Variants in BCL11A observed in about 807,000 individuals in gnomAD.
BCL11A encodes the protein B cell CLL/lymphoma 11A.
A neutral mutation model predicts 55.9 loss-of-function variants in BCL11A; 2 were observed. That is an observed-to-expected ratio of 0.04 (90% CI 0.01 to 0.11). The LOEUF is 0.11. Among genes scored for constraint, BCL11A ranks in the 10% least tolerant of loss-of-function variants. BCL11A has a pLI of 1.00. For missense variants in BCL11A, 817 were observed against 1,137.1 expected, an observed-to-expected ratio of 0.72 and a Z score of 4.05; for synonymous variants, 465 against 473.4, an observed-to-expected ratio of 0.98 and a Z score of 0.23.
In BCL11A at chr2:60,461,835, G is replaced by A. The variant is rs770055773; in HGVS notation, c.1077C>T (p.Pro359=). ...GAGGGGCGGATTGCAGAGGAGGGAG[G>A]GGGGGCGTCGCCAGGAAGGGCGGCT... ...GSKPPFLATP[P]LPPLQSAPPP... Residue 359 remains proline, a synonymous_variant, in exon 4 of 4, where the codon CCC becomes CCT. Transcript: ENST00000642384. 34 of 1,612,780 alleles carry A rather than the reference G, an allele frequency of 2.1e-5. No individual in the cohort carries two copies. The highest frequency in any genetic ancestry group is 2.8e-5 in the Non-Finnish European group (33 of 1,179,050).
intron 2 of BCL11A, among the ~76,000 whole-genome samples, chr2:60,520,538 A>G (rs1668932562): frequency 1.3e-5 from 2 of 152,210 alleles, no homozygotes; most frequent in African/African-American, 4.8e-5. Context: ...CATTCCGTTT[A>G]TAAGAAGGAG....
chr2:60,501,241 C>T (rs539732018), intron 2 of BCL11A, among the ~76,000 whole-genome samples: 48 of 152,316 alleles, frequency 3.2e-4, no homozygotes, highest in Admixed American at 8.5e-4. Context: ...TTGGTCCAAA[C>T]CTGTAGTGCT....
chr2:60,512,137 G>T (rs1478129844), intron 2 of BCL11A, among the ~76,000 whole-genome samples: 1 of 152,196 alleles, frequency 6.6e-6, no homozygotes, highest in Non-Finnish European at 1.5e-5. Context: ...TGGAGCTGGG[G>T]AGCTGCAGAT....
At position 60,545,995 on chromosome 2, in the gene BCL11A, A is replaced by T; in HGVS notation, c.361T>A (p.Cys121Ser). 1.2e-6 allele frequency: 2 copies of T among 1,613,938 alleles called. No homozygotes were observed. Among genetic ancestry groups the T allele is most frequent in the Non-Finnish European group, 1.7e-6 (2 of 1,179,840 alleles). The change falls in exon 2 of 4, where the codon TGC (cysteine) becomes AGC (serine). Residue 121 changes from cysteine (C) to serine (S), a missense_variant. Cys to Ser is a moderately radical substitution (Grantham distance 112, BLOSUM62 -1). This residue lies in a region of BCL11A where 363 missense variants were observed against 486.6 expected (regional missense o/e 0.75). Transcript: ENST00000642384. Reference protein sequence around the residue: ...DCLSTSSRGICPKQEHIADKL... With the variant: ...DCLSTSSRGISPKQEHIADKL... ...CCTGCTATGTGTTCCTGTTTGGGGCAAATTCCTCTAGATGACGTTGATAAA... is the reference window on the plus strand; with the variant it reads ...CCTGCTATGTGTTCCTGTTTGGGGCTAATTCCTCTAGATGACGTTGATAAA...
chr2:60,514,642 T>C (rs1668647823), intron 2 of BCL11A, among the ~76,000 whole-genome samples: 1 of 149,386 alleles, frequency 6.7e-6, no homozygotes, highest in African/African-American at 2.5e-5. Flanking sequence ...CACTCCAGCC[T>C]GGGCGACAGA....
At chr2:60,454,115 T>C (rs1675837348), downstream of BCL11A, among the ~76,000 whole-genome samples, 2 of 152,076 alleles carry the variant, frequency 1.3e-5, no homozygotes, top group African/African-American at 4.8e-5. Context: ...CTGTATGTAG[T>C]AAATTAAACA....
rs569674644 is a variant in BCL11A, at chr2:60,472,272, G to A, written c.386-3439C>T. Among the ~76,000 whole-genome samples the A allele has an allele frequency of 1.2e-3, 176 of 152,324 alleles. 1 individual carries two copies. The highest frequency in any genetic ancestry group is 3.8e-3 in the African/African-American group (156 of 41,570). On this transcript the variant is annotated intron_variant, in intron 2 of 3. Coordinates refer to ENST00000642384, the MANE Select transcript of BCL11A (RefSeq NM_022893.4). ...TGTCCTCACTGCTTCCATTAAAGCCGACATGTCAGCGAACGCAGCTGTGGC... is the reference window on the plus strand; with the variant it reads ...TGTCCTCACTGCTTCCATTAAAGCCAACATGTCAGCGAACGCAGCTGTGGC...
intron 2 of BCL11A, among the ~76,000 whole-genome samples, chr2:60,508,401 CCT>C (rs775235177): frequency 1.3e-5 from 2 of 152,166 alleles, no homozygotes; most frequent in Non-Finnish European, 2.9e-5. Flanking sequence ...CAGCCGGGTC[CCT>C]GAGTCTGACT....
chr2:60,521,803 C>T (rs561873950), intron 2 of BCL11A, among the ~76,000 whole-genome samples: 2 of 152,314 alleles, frequency 1.3e-5, no homozygotes, highest in African/African-American at 2.4e-5. Flanking sequence ...CTGCTTCTTC[C>T]TGACCCTCAC....
In BCL11A at chr2:60,553,345, A is replaced by G; in HGVS notation, c.-75T>C. The G allele has an allele frequency of 1.4e-6, 2 of 1,467,416 alleles. No homozygotes were observed. The highest frequency in any genetic ancestry group is 1.8e-6 in the Non-Finnish European group (2 of 1,091,536). 90.9% of individuals were successfully genotyped at this position (1,467,416 alleles called of 1,614,324 possible). On this transcript the variant is annotated 5_prime_UTR_variant, in exon 1 of 4. Transcript: ENST00000642384. ...ACGACGGCTCGGTTCACATCGGGAGAGCCGGGTTAGAAAGAAGGAGACTCC... is the reference window on the plus strand; with the variant it reads ...ACGACGGCTCGGTTCACATCGGGAGGGCCGGGTTAGAAAGAAGGAGACTCC...
intron 2 of BCL11A, among the ~76,000 whole-genome samples, chr2:60,481,312 T>C (rs1677942657): frequency 6.6e-6 from 1 of 151,976 alleles, no homozygotes; most frequent in African/African-American, 2.4e-5. Context: ...AAGTAACTCC[T>C]TGAAAACAAA....
chr2:60,546,316 C>T lies in BCL11A; in HGVS notation c.56-16G>A, dbSNP rs192796126. The T allele has an allele frequency of 1.1e-4, 174 of 1,607,370 alleles. 1 individual carries two copies. The African/African-American group carries it at 2.1e-3, about 20-fold the overall frequency. ...AGAGGCTCGGCTGTGGTTGGAGAAA[C>T]AAAAGCACAATTATTAGAGTGCCAG... On this transcript the variant is annotated splice_polypyrimidine_tract_variant and intron_variant, in intron 1 of 3. Coordinates refer to ENST00000642384, the MANE Select transcript of BCL11A (RefSeq NM_022893.4). This position sits in a 1 kb window ranked among gnomAD's most constrained non-coding sequence, Gnocchi z 4.1.
chr2:60,545,988 T>G lies in BCL11A; in HGVS notation c.368A>C (p.Lys123Thr). 6.2e-7 allele frequency: 1 copy of G among 1,613,796 alleles called. No individual in the cohort carries two copies. Among genetic ancestry groups the G allele is most frequent in the Non-Finnish European group, 8.5e-7 (1 of 1,179,698 alleles). The change falls in exon 2 of 4, where the codon AAA becomes ACA. Residue 123 changes from lysine (K) to threonine (T), a missense_variant. Lys to Thr is a moderately conservative substitution (Grantham distance 78, BLOSUM62 -1). Transcript: ENST00000642384. ...LSTSSRGICP[K>T]QEHIADKLLH... The stretch of plus-strand genomic sequence containing the variant: ...TCATTTACCTGCTATGTGTTCCTGT[T>G]TGGGGCAAATTCCTCTAGATGACGT...
chr2:60,542,805 G>C (rs886111131), intron 2 of BCL11A: 1 of 152,146 alleles, frequency 6.6e-6, no homozygotes, highest in East Asian at 1.9e-4. Flanking sequence ...AAGCCAGGTG[G>C]ATCACCTGAG....
At chr2:60,491,812 A>G (rs1165602527) in intron 2 of BCL11A, among the ~76,000 whole-genome samples, 1 of 152,216 alleles carries the variant, frequency 6.6e-6, no homozygotes, top group Non-Finnish European at 1.5e-5. Context: ...AGGACCCAAC[A>G]CTACGCAGGC....
In BCL11A at chr2:60,460,488, A is replaced by T. The variant is rs1435704225; in HGVS notation, c.2424T>A (p.Pro808=). The T allele has an allele frequency of 1.2e-6, 2 of 1,614,106 alleles. No individual in the cohort carries two copies. Among genetic ancestry groups the T allele is most frequent in the Non-Finnish European group, 1.7e-6 (2 of 1,180,028 alleles). ...TCTCCAGGGTACTGTACACGCTAAA[A>T]GGCATCTTACAAATTTCACATTTGT... The part of the protein sequence containing the change: ...DVYKCEICKM[P]FSVYSTLEKH... The change falls in exon 4 of 4, where the codon CCT becomes CCA. Residue 808 remains proline, a synonymous_variant. Transcript: ENST00000642384.
intron 2 of BCL11A, among the ~76,000 whole-genome samples, chr2:60,479,325 A>T (rs1289048118): frequency 6.6e-6 from 1 of 152,184 alleles, no homozygotes; most frequent in Non-Finnish European, 1.5e-5. Context: ...CCACGGTGGG[A>T]CCCGGAGACC....
At chr2:60,552,015 A>C (rs2104793446) in intron 1 of BCL11A, among the ~76,000 whole-genome samples, 1 of 152,242 alleles carries the variant, frequency 6.6e-6, no homozygotes, top group Admixed American at 6.5e-5. Flanking sequence ...AAAAAATAGT[A>C]AGAGGAGGGA....
chr2:60,501,729 CT>C (rs1440154468), intron 2 of BCL11A, among the ~76,000 whole-genome samples: 3 of 151,970 alleles, frequency 2.0e-5, no homozygotes, highest in Non-Finnish European at 4.4e-5. Context: ...TGGTCTCAAA[CT>C]CTTGACCTCA....
Sources: allele counts gnomAD v4.1 joint callset (sites outside exome capture counted in the v4.1 genomes callset), GRCh38; gene constraint gnomAD v4.1.1; regional missense constraint gnomAD v4.1.1; non-coding constraint Gnocchi (gnomAD v3.1); transcripts MANE v1.5; gene names NCBI Gene and HGNC (gene_info 2026-07-23, HGNC 2026-07-21).